The following OR10R2 variants were observed in gnomAD, a reference collection of about 807,000 sequenced individuals.
OR10R2 encodes the protein olfactory receptor family 10 subfamily R member 2, also known as olfactory receptor 10R2.
A neutral mutation model predicts 2.4 loss-of-function variants in OR10R2; 1 was observed. That is an observed-to-expected ratio of 0.41 (90% CI 0.15 to 1.95). OR10R2 has a LOEUF of 1.95. OR10R2 is among the 30% of genes most tolerant of loss of function. OR10R2 has a pLI of 0.30. For missense variants in OR10R2, 419 were observed against 373.0 expected (o/e 1.12, Z -1.01); for synonymous variants, 166 against 144.8 (o/e 1.15, Z -1.05).
In OR10R2 at chr1:158,480,408, T is replaced by TA; in HGVS notation, c.499dup (p.Thr167AsnfsTer13). Reference sequence around the variant, plus strand: ...CAATTGGTGGCTTCTTGGCCTCTCTTACAGTAGTAAATTTAGTTTTCAGCC... The same window carrying TA: ...CAATTGGTGGCTTCTTGGCCTCTCTTAACAGTAGTAAATTTAGTTTTCAGCC... On this transcript the variant is annotated frameshift_variant, in exon 2 of 2. Transcript: ENST00000641067. LOFTEE classifies it low-confidence loss of function (END_TRUNC). 1.9e-6 allele frequency: 3 copies of TA among 1,614,104 alleles called. No homozygotes were observed. Among genetic ancestry groups the TA allele is most frequent in the Non-Finnish European group, 2.5e-6 (3 of 1,179,990 alleles).
exon 2 of OR10R2, chr1:158,480,453 C>A (rs569699602): frequency 6.2e-7 from 1 of 1,613,908 alleles, no homozygotes; most frequent in Non-Finnish European, 8.5e-7. Flanking sequence ...GTAGCGCCAA[C>A]AAAGTCAATC....
intron 1 of OR10R2, among the ~76,000 whole-genome samples, chr1:158,473,273 G>A (rs757273359): frequency 9.2e-5 from 14 of 152,102 alleles, no homozygotes; most frequent in Non-Finnish European, 1.9e-4. Context: ...TGCATGATAC[G>A]GAAACTTTTG....
intron 1 of OR10R2, 160 bp from the exon 2 acceptor site, chr1:158,479,778 G>T: frequency 1.4e-6 from 1 of 690,620 alleles, no homozygotes; most frequent in Non-Finnish European, 2.5e-6. Flanking sequence ...GGAAGAAGAG[G>T]ACCATGAACC....
Position 158,478,352 on chromosome 1 carries a change from A to G in OR10R2, c.28-1586A>G, listed in dbSNP as rs183117755. 1.7e-3 allele frequency among the ~76,000 whole-genome samples: 254 copies of G among 152,278 alleles called. 1 individual carries two copies. The highest frequency in any genetic ancestry group is 2.5e-3 in the Non-Finnish European group (170 of 68,002). Reference sequence around the variant, plus strand: ...TTTTGCACAGCAAAAGAAACTATTGACAGAGAGAAGAGATTCTTATTTCTA... The same window carrying G: ...TTTTGCACAGCAAAAGAAACTATTGGCAGAGAGAAGAGATTCTTATTTCTA... On this transcript the variant is annotated intron_variant, in intron 1 of 1. Coordinates refer to ENST00000641067, the Ensembl canonical transcript of OR10R2.
exon 2 of OR10R2, chr1:158,480,167 T>C: frequency 6.2e-7 from 1 of 1,614,122 alleles, no homozygotes. Context: ...ACCTTTGTCA[T>C]TCTACCCAAG....
At chr1:158,479,054 A>G (rs1038529785) in intron 1 of OR10R2, among the ~76,000 whole-genome samples, 4 of 152,170 alleles carry the variant, frequency 2.6e-5, no homozygotes, top group African/African-American at 9.6e-5. Flanking sequence ...CAAATAATCA[A>G]CTTACAATTG....
chr1:158,475,542 C>T (rs1471007983), intron 1 of OR10R2, among the ~76,000 whole-genome samples: 2 of 151,702 alleles, frequency 1.3e-5, no homozygotes, highest in Non-Finnish European at 2.9e-5. Context: ...CATTCTATTT[C>T]TATTTTATAA....
At chr1:158,476,626 A>G (rs1307735159) in intron 1 of OR10R2, among the ~76,000 whole-genome samples, 1 of 152,072 alleles carries the variant, frequency 6.6e-6, no homozygotes, top group East Asian at 1.9e-4. Flanking sequence ...TTCTTTAAGT[A>G]TATAGGATAA....
chr1:158,476,011 ATAAACTTTCT>A (rs1350709003), intron 1 of OR10R2, among the ~76,000 whole-genome samples: 1 of 152,152 alleles, frequency 6.6e-6, no homozygotes, highest in Non-Finnish European at 1.5e-5. Flanking sequence ...GAATTAAGGT[ATAAACTTTCT>A]TCTGATAACT....
intron 1 of OR10R2, among the ~76,000 whole-genome samples, chr1:158,474,939 A>C (rs989140333): frequency 8.5e-4 from 129 of 151,624 alleles, no homozygotes; most frequent in Admixed American, 2.2e-3. Flanking sequence ...AGAGACCAGC[A>C]AAAAAAAATT....
At chr1:158,473,780 CTCCT>C (rs1557874967) in intron 1 of OR10R2, among the ~76,000 whole-genome samples, 1 of 61,766 alleles carries the variant, frequency 1.6e-5, no homozygotes, top group African/African-American at 8.8e-5. Flanking sequence ...TCCTTCCTCC[CTCCT>C]TCCCTCTTTC....
chr1:158,473,949 CTCTT>C lies in OR10R2; in HGVS notation c.27+1611_27+1614del, dbSNP rs556597664. 5.3e-4 allele frequency among the ~76,000 whole-genome samples: 77 copies of C among 145,934 alleles called. 2 individuals are homozygous for C. Among genetic ancestry groups the C allele is most frequent in the Middle Eastern group, 3.5e-3 (1 of 284 alleles). On this transcript the variant is annotated intron_variant, in intron 1 of 1. Coordinates refer to ENST00000641067, the Ensembl canonical transcript of OR10R2. ...CCTCCCTCTCCCTCCCTCCCCCTCT[CTCTT>C]TCTTTCTTTCTTTTTCTTTTCTTTC...
At chr1:158,475,087 A>T (rs1288284868) in intron 1 of OR10R2, among the ~76,000 whole-genome samples, 1 of 152,254 alleles carries the variant, frequency 6.6e-6, no homozygotes, top group East Asian at 1.9e-4. Flanking sequence ...CAATATAGCG[A>T]GGTTAAATAA....
In OR10R2 at chr1:158,475,703, T is replaced by G. The variant is rs542121492; in HGVS notation, c.27+3351T>G. ...TCTATTATTTCTAATTGTGCCTTTC[T>G]GTAAATAAATATTTTATTTTACACC... On this transcript the variant is annotated intron_variant, in intron 1 of 1. Coordinates refer to ENST00000641067, the Ensembl canonical transcript of OR10R2. 2.0e-5 allele frequency among the ~76,000 whole-genome samples: 3 copies of G among 151,828 alleles called. No individual in the cohort carries two copies. In the East Asian group the frequency reaches 5.8e-4, roughly 29 times the overall value.
At chr1:158,479,510 A>AT (rs1656335748) in intron 1 of OR10R2, among the ~76,000 whole-genome samples, 1 of 152,058 alleles carries the variant, frequency 6.6e-6, no homozygotes, top group African/African-American at 2.4e-5. Context: ...TCATTTTTAG[A>AT]TTTTTTGTTG....
At chr1:158,477,387 C>T (rs758213969) in intron 1 of OR10R2, among the ~76,000 whole-genome samples, 5 of 152,042 alleles carry the variant, frequency 3.3e-5, no homozygotes, top group Non-Finnish European at 5.9e-5. Flanking sequence ...GATATTATTC[C>T]ATATCTAGAA....
intron 1 of OR10R2, among the ~76,000 whole-genome samples, chr1:158,478,280 T>C (rs1381610754): frequency 1.3e-5 from 2 of 152,114 alleles, no homozygotes; most frequent in African/African-American, 4.8e-5. Flanking sequence ...CAAAAGCAAT[T>C]GTAGCAAAAA....
rs1443551022 is a variant in OR10R2 at position 158,473,787 on chromosome 1, CCTCTT to C, written c.27+1436_27+1440del. On this transcript the variant is annotated intron_variant, in intron 1 of 1. Coordinates refer to ENST00000641067, the Ensembl canonical transcript of OR10R2. ...TCCTTCCTTCCTTCCTCCCTCCTTC[CCTCTT>C]TCCCTCTCTGCTTCCTTCCTCCCTC... Among the ~76,000 whole-genome samples, 63 of 104,420 alleles carry C rather than the reference CCTCTT, an allele frequency of 6.0e-4. 1 individual carries two copies. Among genetic ancestry groups the C allele is most frequent in the African/African-American group, 2.2e-3 (46 of 21,270 alleles). 68.5% of individuals were successfully genotyped at this position (104,420 alleles called of 152,430 possible).
chr1:158,480,474 T>C (rs1656374409), exon 2 of OR10R2: 1 of 1,613,404 alleles, frequency 6.2e-7, no homozygotes, highest in East Asian at 2.2e-5. Context: ...ATTACTTCTG[T>C]GACATCTCAG....
Sources: allele counts gnomAD v4.1 joint callset (sites outside exome capture counted in the v4.1 genomes callset), GRCh38; gene constraint gnomAD v4.1.1; transcripts MANE v1.5; gene names NCBI Gene and HGNC (gene_info 2026-07-23, HGNC 2026-07-21).